Variants in ANKS1B observed in about 807,000 individuals in gnomAD.
ANKS1B encodes the protein ankyrin repeat and sterile alpha motif domain-containing protein 1B.
Under a neutral mutation model 148.3 loss-of-function variants are expected in ANKS1B, and 36 were observed. The observed-to-expected ratio is 0.24, with a 90% CI of 0.19 to 0.32. The LOEUF is 0.32. Among genes scored for constraint, ANKS1B ranks in the 10% least tolerant of loss-of-function variants. The pLI is 1.00. For synonymous variants in ANKS1B, 542 were observed against 560.8 expected (o/e 0.97, Z 0.47); for missense variants, 1,157 against 1,542.6 (o/e 0.75, Z 4.19).
At chr12:99,374,672 A>G (rs2093312766) in intron 12 of ANKS1B, among the ~76,000 whole-genome samples, 1 of 152,204 alleles carries the variant, frequency 6.6e-6, no homozygotes, top group Admixed American at 6.5e-5. Context: ...CATAGAAGCT[A>G]CAATTTTCTA....
rs1343664202 is a variant in ANKS1B, at chr12:99,265,049, C to T, written c.1757-18185G>A. On this transcript the variant is annotated intron_variant, in intron 12 of 26. Coordinates refer to ENST00000683438, the MANE Select transcript of ANKS1B (RefSeq NM_001352186.2). ...ACTAACCACACATGATTACTGTGCACTTGACATGTAGCTGGTCCAAATCAA... is the reference window on the plus strand; with the variant it reads ...ACTAACCACACATGATTACTGTGCATTTGACATGTAGCTGGTCCAAATCAA... Among the ~76,000 whole-genome samples the T allele has an allele frequency of 2.0e-5, 3 of 152,120 alleles. No individual in the cohort carries two copies. The East Asian group carries it at 5.8e-4, about 29-fold the overall frequency.
intron 10 of ANKS1B, among the ~76,000 whole-genome samples, chr12:99,480,715 GT>G (rs940446942): frequency 1.3e-5 from 2 of 151,810 alleles, no homozygotes; most frequent in Non-Finnish European, 2.9e-5. Flanking sequence ...ATTTAGGAAG[GT>G]TTTTGTATTC....
chr12:99,582,984 T>A (rs768664745), intron 9 of ANKS1B, among the ~76,000 whole-genome samples: 1 of 152,128 alleles, frequency 6.6e-6, no homozygotes, highest in Non-Finnish European at 1.5e-5. Context: ...ATTATTTGAT[T>A]TACATGAAGC....
At chr12:99,399,994 T>A (rs556110349) in intron 11 of ANKS1B, among the ~76,000 whole-genome samples, 183 bp from the exon 12 acceptor site, 47 of 152,250 alleles carry the variant, frequency 3.1e-4, no homozygotes, top group Non-Finnish European at 5.6e-4. Flanking sequence ...TAATAAAAAA[T>A]TATTTAATGA....
chr12:99,089,150 A>C (rs1405422215), intron 15 of ANKS1B, among the ~76,000 whole-genome samples: 1 of 143,374 alleles, frequency 7.0e-6, no homozygotes, highest in Non-Finnish European at 1.5e-5. Flanking sequence ...ACACAACTCT[A>C]GCTTTCTTCC....
chr12:99,185,609 T>C (rs11833987), intron 14 of ANKS1B, among the ~76,000 whole-genome samples: 10,675 of 152,168 alleles, frequency 0.07, 1,207 homozygotes, highest in African/African-American at 0.24. Context: ...AGAAGCAGTG[T>C]GAGGTGTCAC....
chr12:99,266,279 A>G (rs1246605648), intron 12 of ANKS1B, among the ~76,000 whole-genome samples: 1 of 152,182 alleles, frequency 6.6e-6, no homozygotes, highest in Admixed American at 6.5e-5. Flanking sequence ...AGTGAGCTAT[A>G]TAAGAGGAAT....
chr12:98,835,658 C>T (rs1208305478), intron 17 of ANKS1B, among the ~76,000 whole-genome samples: 3 of 152,180 alleles, frequency 2.0e-5, no homozygotes, highest in Non-Finnish European at 4.4e-5. Flanking sequence ...CTGAGGCACT[C>T]CTCTGCACTG....
chr12:99,770,797 A>G (rs1210776203), intron 8 of ANKS1B, among the ~76,000 whole-genome samples: 1 of 152,112 alleles, frequency 6.6e-6, no homozygotes, highest in Non-Finnish European at 1.5e-5. Context: ...AATAAACAGA[A>G]TTATTTGCTC....
chr12:99,570,157 C>A (rs1597288509), intron 9 of ANKS1B, among the ~76,000 whole-genome samples: 1 of 152,262 alleles, frequency 6.6e-6, no homozygotes, highest in East Asian at 1.9e-4. Context: ...AGTGTGAACC[C>A]TCTGCCCCAG....
At chr12:99,136,361 G>A (rs2068060901) in intron 15 of ANKS1B, among the ~76,000 whole-genome samples, 1 of 152,180 alleles carries the variant, frequency 6.6e-6, no homozygotes, top group Non-Finnish European at 1.5e-5. Context: ...TGTGTGCCTG[G>A]CAGCACTAAG....
At chr12:99,938,736 G>A (rs758965667) in intron 1 of ANKS1B, among the ~76,000 whole-genome samples, 2 of 152,102 alleles carry the variant, frequency 1.3e-5, no homozygotes, top group African/African-American at 2.4e-5. Flanking sequence ...TAGCCAGTAT[G>A]GCTGCCCAAT....
At chr12:99,036,287 T>TTA (rs1287588317) in intron 17 of ANKS1B, among the ~76,000 whole-genome samples, 4 of 152,130 alleles carry the variant, frequency 2.6e-5, no homozygotes, top group African/African-American at 7.2e-5. Flanking sequence ...CAGTATCATC[T>TTA]TATATATATG....
chr12:99,695,711 A>C (rs2053792621), intron 8 of ANKS1B, among the ~76,000 whole-genome samples: 2 of 151,820 alleles, frequency 1.3e-5, no homozygotes, highest in Non-Finnish European at 2.9e-5. Flanking sequence ...GGGGAACAAC[A>C]CTCACTGGGG....
At chr12:99,812,540 CACACACACACACACACACAGAGAG>C (rs1305984000) in intron 2 of ANKS1B, among the ~76,000 whole-genome samples, 2 of 96,684 alleles carry the variant, frequency 2.1e-5, no homozygotes, top group African/African-American at 9.0e-5. Flanking sequence ...CACACACACA[CACACACACACACACACACAGAGAG>C]AGAGAGAGAG....
chr12:98,817,670 T>C (rs1397652455), intron 19 of ANKS1B, among the ~76,000 whole-genome samples: 2 of 152,248 alleles, frequency 1.3e-5, no homozygotes, highest in African/African-American at 4.8e-5. Context: ...GTTCCCTGTC[T>C]GTGTCTATTT....
intron 1 of ANKS1B, among the ~76,000 whole-genome samples, chr12:99,829,468 G>T (rs1336385962): frequency 6.6e-6 from 1 of 152,114 alleles, no homozygotes; most frequent in Non-Finnish European, 1.5e-5. Context: ...GGCTAACATG[G>T]TGAAACCCTG....
intron 12 of ANKS1B, among the ~76,000 whole-genome samples, chr12:99,271,662 C>CTATA (rs59207203): frequency 0.12 from 11,090 of 93,994 alleles, 842 homozygotes; most frequent in Admixed American, 0.16. Flanking sequence ...AGTCAATAAA[C>CTATA]TATATATATA....
intron 1 of ANKS1B, among the ~76,000 whole-genome samples, chr12:99,889,772 T>C (rs185291555): frequency 1.3e-5 from 2 of 152,316 alleles, no homozygotes; most frequent in East Asian, 3.9e-4. Flanking sequence ...TAATAGAATC[T>C]ACAATCTTTT....
Sources: gnomAD v4.1 joint callset for allele counts (sites outside exome capture counted in the v4.1 genomes callset) on GRCh38, gnomAD v4.1.1 for gene constraint, MANE v1.5 for transcripts, NCBI Gene and HGNC (gene_info 2026-07-23, HGNC 2026-07-21) for gene names.